GET4: variants seen among roughly 807,000 people sequenced by gnomAD.
GET4 encodes guided entry of tail-anchored proteins factor 4, also known as Golgi to ER traffic protein 4 homolog.
GET4 carries 20 observed loss-of-function variants against 40.0 expected under a neutral mutation model. The observed-to-expected ratio is 0.50, with a 90% CI of 0.35 to 0.73. The LOEUF (loss-of-function observed/expected upper bound fraction) is 0.73, where lower values mean the gene tolerates loss of function less well. GET4 is among the 30% of genes least tolerant of loss of function. The pLI, the probability that GET4 is intolerant of heterozygous loss-of-function variation, is 0.01. For synonymous variants in GET4, 280 were observed against 194.6 expected, an observed-to-expected ratio of 1.44 and a Z score of -3.65; for missense variants, 557 against 454.0, an observed-to-expected ratio of 1.23 and a Z score of -2.06.
intron 1 of GET4, chr7:884,426 G>A: frequency 8.4e-7 from 1 of 1,192,438 alleles, no homozygotes; most frequent in South Asian, 1.3e-5. Flanking sequence ...TCACTGTGCG[G>A]GGAGCACAGC....
chr7:889,650 G>C (rs924940400), intron 4 of GET4, among the ~76,000 whole-genome samples: 1 of 146,176 alleles, frequency 6.8e-6, no homozygotes, highest in African/African-American at 2.4e-5. Flanking sequence ...GGAGTGGAGG[G>C]AGTGTGAGCG....
chr7:888,396 C>T (rs1052461971), intron 4 of GET4, among the ~76,000 whole-genome samples: 3 of 152,222 alleles, frequency 2.0e-5, no homozygotes, highest in African/African-American at 7.2e-5. Flanking sequence ...CGACCTCCGA[C>T]CTTGTTCCTG....
chr7:886,380 G>A (rs1056889729), intron 2 of GET4, 189 bp from the exon 3 acceptor site: 48 of 613,824 alleles, frequency 7.8e-5, no homozygotes, highest in African/African-American at 2.6e-4. Context: ...AAACGTCCCC[G>A]TCCATTTTCA....
intron 8 of GET4, among the ~76,000 whole-genome samples, chr7:894,777 A>G (rs1469569654): frequency 1.3e-5 from 2 of 152,216 alleles, no homozygotes; most frequent in Non-Finnish European, 2.9e-5. Context: ...ACACGGTGTA[A>G]CGTCTCGTTT....
intron 1 of GET4, chr7:884,183 G>T: frequency 7.7e-7 from 1 of 1,298,662 alleles, no homozygotes. Flanking sequence ...AGCTGGTGTG[G>T]TGCTTGCTCA....
chr7:895,100 G>A (rs1298476457), intron 8 of GET4, among the ~76,000 whole-genome samples: 2 of 151,300 alleles, frequency 1.3e-5, no homozygotes, highest in African/African-American at 4.9e-5. Context: ...TGGGAGGGCC[G>A]TTCTGTGGAG....
chr7:891,912 C>T (rs575888879), intron 5 of GET4, among the ~76,000 whole-genome samples: 36 of 152,382 alleles, frequency 2.4e-4, no homozygotes, highest in African/African-American at 6.0e-4. Context: ...AGGGTCTGTG[C>T]GGCACCCACC....
At chr7:884,557 G>C (rs77393797) in intron 1 of GET4, 51 of 329,674 alleles carry the variant, frequency 1.5e-4, no homozygotes, top group South Asian at 1.1e-3. Context: ...GGTCTCCTGT[G>C]GGGGGAGGGC....
intron 1 of GET4, chr7:881,240 A>C (rs1443063786): frequency 6.6e-6 from 1 of 152,204 alleles, no homozygotes; most frequent in Non-Finnish European, 1.5e-5. Context: ...TAAAATGTAT[A>C]ATTTGGTGAG....
intron 6 of GET4, 158 bp downstream of exon 6, chr7:892,576 G>A (rs1012300804): frequency 1.5e-6 from 1 of 673,582 alleles, no homozygotes; most frequent in Non-Finnish European, 2.5e-6. Flanking sequence ...TGTAGACGTG[G>A]CATAGGTGTG....
At position 887,579 on chromosome 7, in the gene GET4, G is replaced by C. The variant is rs1585495529; in HGVS notation, c.466+60G>C. On this transcript the variant is annotated intron_variant, in intron 4 of 8. Transcript: ENST00000265857. ...TCTGCTCTCGGCGTTGATTTGCACT[G>C]TGCGTTCCAATACATCAGGGTCACC... is the stretch of plus-strand genomic sequence containing the variant. 3.3e-5 allele frequency: 44 copies of C among 1,323,422 alleles called. No individual in the cohort carries two copies. In the East Asian group the frequency reaches 1.1e-3, roughly 33 times the overall value. The allele number at this position is 1,323,422 out of a possible 1,614,324, so 82.0% of individuals were successfully genotyped here.
chr7:885,772 A>C (rs531510989), intron 1 of GET4: 11 of 411,366 alleles, frequency 2.7e-5, no homozygotes, highest in Non-Finnish European at 4.4e-5. Context: ...GGTCCCAGCT[A>C]CTGAAACCGG....
chr7:877,010 C>A (rs1843968838), intron 1 of GET4, among the ~76,000 whole-genome samples: 1 of 151,850 alleles, frequency 6.6e-6, no homozygotes, highest in Admixed American at 6.6e-5. Flanking sequence ...TTCCCTCGGC[C>A]TCTGACTCCC....
At chr7:891,919 C>T (rs1844331825) in intron 5 of GET4, among the ~76,000 whole-genome samples, 1 of 152,262 alleles carries the variant, frequency 6.6e-6, no homozygotes, top group Non-Finnish European at 1.5e-5. Flanking sequence ...GTGCGGCACC[C>T]ACCAGCTGCT....
Position 891,821 on chromosome 7 carries a change from C to T in GET4, c.606-457C>T, listed in dbSNP as rs542242784. Among the ~76,000 whole-genome samples, 54 of 152,294 alleles carry T rather than the reference C, an allele frequency of 3.5e-4. 1 individual carries two copies. In the South Asian group the frequency reaches 8.9e-3, roughly 25 times the overall value. ...AGAGCTCCCTGGCTCTGCGCTACGC[C>T]GTGTACATGTTTTCTCTGGGCTGAC... is the stretch of plus-strand genomic sequence containing the variant. On this transcript the variant is annotated intron_variant, in intron 5 of 8. Coordinates refer to ENST00000265857, the MANE Select transcript of GET4 (RefSeq NM_015949.3).
intron 5 of GET4, 91 bp from the exon 6 acceptor site, chr7:892,187 A>T: frequency 7.3e-7 from 1 of 1,371,162 alleles, no homozygotes; most frequent in Non-Finnish European, 1.0e-6. Context: ...TGGGCGCACG[A>T]GCTTGGGAAG....
At position 895,358 on chromosome 7, in the gene GET4, GCTC is replaced by G. The variant is rs1844454795; in HGVS notation, c.924_926del (p.Ser309del). The G allele has an allele frequency of 6.3e-7, 1 of 1,589,090 alleles. No homozygotes were observed. The highest frequency in any genetic ancestry group is 8.6e-7 in the Non-Finnish European group (1 of 1,159,682). On this transcript the variant is annotated inframe_deletion, in exon 9 of 9. Coordinates refer to ENST00000265857, the MANE Select transcript of GET4 (RefSeq NM_015949.3). ...GGGAACCTTCTGACCAGCCTCATGG[GCTC>G]CTCAGAGCAGGAGGATGGGGAGGAG...
chr7:894,670 G>T (rs182891723), intron 8 of GET4, among the ~76,000 whole-genome samples: 13 of 152,216 alleles, frequency 8.5e-5, no homozygotes, highest in Non-Finnish European at 1.6e-4. Flanking sequence ...CTGAGCTCCC[G>T]TTCCACAGAA....
chr7:892,296 C>T lies in GET4; in HGVS notation c.624C>T (p.Asn208=), dbSNP rs150124099. 3.2e-4 allele frequency: 508 copies of T among 1,588,792 alleles called. No homozygotes were observed. Among genetic ancestry groups the T allele is most frequent in the Non-Finnish European group, 4.2e-4 (483 of 1,158,696 alleles). ...QAVLQFLCLK[N]KSSASVVFTT... ...TTTCCAGGTTTCTCTGTTTAAAAAA[C>T]AAAAGTAGCGCATCGGTGGTCTTCA... is the stretch of plus-strand genomic sequence containing the variant. The change falls in exon 6 of 9, where the codon AAC becomes AAT. Residue 208 remains asparagine, a synonymous_variant. Transcript: ENST00000265857.
Sources: allele counts gnomAD v4.1 joint callset (sites outside exome capture counted in the v4.1 genomes callset), GRCh38; gene constraint gnomAD v4.1.1; transcripts MANE v1.5; gene names NCBI Gene and HGNC (gene_info 2026-07-23, HGNC 2026-07-21).